Variants in ABR observed in about 807,000 individuals in gnomAD.
The protein encoded by ABR is ABR activator of RhoGEF and GTPase, also known as active breakpoint cluster region-related protein.
Under a neutral mutation model 107.2 loss-of-function variants are expected in ABR, and 35 were observed. The observed-to-expected ratio is 0.33, with a 90% CI of 0.25 to 0.43. ABR has a LOEUF of 0.43. Ranked by LOEUF, ABR falls within the 20% of genes least tolerant of loss-of-function variation. The probability of loss-of-function intolerance (pLI) is 1.00; values close to 1 mark genes in which losing one functional copy is unlikely to be tolerated. For synonymous variants in ABR, 498 were observed against 462.0 expected, an observed-to-expected ratio of 1.08 and a Z score of -1.00; for missense variants, 815 against 1,115.2, an observed-to-expected ratio of 0.73 and a Z score of 3.83.
intron 2 of ABR, among the ~76,000 whole-genome samples, chr17:1,116,388 A>G (rs1198246545): frequency 6.6e-6 from 1 of 152,170 alleles, no homozygotes. Flanking sequence ...TGGGCATGTC[A>G]TCTAGTCTCC....
At chr17:1,009,623 G>T in intron 21 of ABR, 56 bp downstream of exon 21, 2 of 1,523,298 alleles carry the variant, frequency 1.3e-6, no homozygotes, top group Non-Finnish European at 1.8e-6. Flanking sequence ...GCCCCTCCCC[G>T]TTACCTTTTC....
At chr17:1,121,031 G>C (rs1332845110) in intron 2 of ABR, among the ~76,000 whole-genome samples, 2 of 152,230 alleles carry the variant, frequency 1.3e-5, no homozygotes, top group African/African-American at 4.8e-5. Context: ...TCTTCTCAGA[G>C]TGAAACTGGG....
At chr17:1,017,334 C>G (rs1329823850) in intron 16 of ABR, among the ~76,000 whole-genome samples, 1 of 152,056 alleles carries the variant, frequency 6.6e-6, no homozygotes, top group African/African-American at 2.4e-5. Context: ...CTCGTCTGGA[C>G]ACGGAGCCGG....
intron 1 of ABR, among the ~76,000 whole-genome samples, chr17:1,228,609 C>T (rs1487909050): frequency 6.6e-6 from 1 of 152,152 alleles, no homozygotes; most frequent in East Asian, 1.9e-4. Context: ...TCGCCTTGCA[C>T]GTGTTTTCTA....
At chr17:1,225,955 A>G (rs1012815344) in intron 1 of ABR, among the ~76,000 whole-genome samples, 5 of 152,188 alleles carry the variant, frequency 3.3e-5, no homozygotes, top group Non-Finnish European at 5.9e-5. Flanking sequence ...CACAGCAAGA[A>G]ATACATTCTA....
intron 3 of ABR, among the ~76,000 whole-genome samples, chr17:1,097,731 G>A (rs1270854870): frequency 1.3e-5 from 2 of 152,170 alleles, no homozygotes; most frequent in Non-Finnish European, 2.9e-5. Flanking sequence ...CTGAAAGCCT[G>A]GAGCCAGTAC....
At chr17:1,087,934 T>C (rs1403454060) in intron 4 of ABR, among the ~76,000 whole-genome samples, 1 of 152,158 alleles carries the variant, frequency 6.6e-6, no homozygotes, top group Non-Finnish European at 1.5e-5. Context: ...AACTGGGAAG[T>C]GCAGGTTGCC....
In ABR at chr17:1,004,926, C is replaced by T; in HGVS notation, c.*1154G>A. The T allele has an allele frequency of 2.5e-6, 1 of 398,308 alleles. No homozygotes were observed. Among genetic ancestry groups the T allele is most frequent in the Non-Finnish European group, 4.4e-6 (1 of 225,940 alleles). 24.7% of individuals were successfully genotyped at this position (398,308 alleles called of 1,614,324 possible). ...GTGTGTAAAATCTAAGGCAAGAGTA[C>T]CACGAGGTCCTGCGGTGCCAGGGAG... On this transcript the variant is annotated 3_prime_UTR_variant, in exon 23 of 23. Transcript: ENST00000302538.
chr17:1,201,736 C>T (rs1428943675), intron 1 of ABR, among the ~76,000 whole-genome samples: 2 of 151,690 alleles, frequency 1.3e-5, no homozygotes, highest in Non-Finnish European at 2.9e-5. Flanking sequence ...TGTGCAGTGG[C>T]GTGATCTCTG....
intron 16 of ABR, among the ~76,000 whole-genome samples, chr17:1,021,774 C>T (rs1293388125): frequency 2.7e-5 from 4 of 149,706 alleles, no homozygotes; most frequent in Non-Finnish European, 5.9e-5. Flanking sequence ...TGTGCCACTG[C>T]ACTCCAGCCT....
In ABR at chr17:1,070,165, C is replaced by T. The variant is rs55688032; in HGVS notation, c.895-75G>A. ...AGGGCAGAGCCTGCACACGGGGGCA[C>T]GGCCAGCCAGGGAGGACTGGACCGA... On this transcript the variant is annotated intron_variant, in intron 8 of 22. Coordinates refer to ENST00000302538, the MANE Select transcript of ABR (RefSeq NM_021962.5). This position sits in a 1 kb window ranked among gnomAD's most constrained non-coding sequence, Gnocchi z 4.2. 0.045 allele frequency: 70,770 copies of T among 1,583,648 alleles called. 1,880 individuals are homozygous for T. Among genetic ancestry groups the T allele is most frequent in the Non-Finnish European group, 0.053 (61,792 of 1,161,976 alleles).
In ABR at chr17:1,005,919, G is replaced by C. The variant is rs754276012; in HGVS notation, c.*161C>G. 1.4e-6 allele frequency: 1 copy of C among 696,586 alleles called. No individual in the cohort carries two copies. The highest frequency in any genetic ancestry group is 1.8e-5 in the African/African-American group (1 of 56,586). 43.2% of individuals were successfully genotyped at this position (696,586 alleles called of 1,614,324 possible). On this transcript the variant is annotated 3_prime_UTR_variant, in exon 23 of 23. Coordinates refer to ENST00000302538, the MANE Select transcript of ABR (RefSeq NM_021962.5). ...GGCTGGGCAGCCGGCTTTGTACAAG[G>C]TGGCACAAAAGACGTACGCATTCCA...
Position 1,012,754 on chromosome 17 carries a change from C to T in ABR, c.1895G>A (p.Ser632Asn), listed in dbSNP as rs199603504. ...FSMKFTSRDM[S>N]LKRTPSKKQT... ...CTTTTTGGACGGGGTCCTCTTCAGGCTCATATCTCGGCTGGTGAATTTCAT... is the reference window on the plus strand; with the variant it reads ...CTTTTTGGACGGGGTCCTCTTCAGGTTCATATCTCGGCTGGTGAATTTCAT... The change falls in exon 18 of 23, where the codon AGC becomes AAC. Residue 632 changes from serine (S) to asparagine (N), a missense_variant. By Grantham distance (46) the Ser-to-Asn change is conservative. This residue lies in a region of ABR where 92 missense variants were observed against 82.3 expected (regional missense o/e 1.12). Coordinates refer to ENST00000302538, the MANE Select transcript of ABR (RefSeq NM_021962.5). The T allele has an allele frequency of 1.3e-6, 2 of 1,598,508 alleles. No individual in the cohort carries two copies. Among genetic ancestry groups the T allele is most frequent in the East Asian group, 2.2e-5 (1 of 44,500 alleles).
At chr17:1,038,691 G>A (rs2073386179) in intron 16 of ABR, among the ~76,000 whole-genome samples, 1 of 152,240 alleles carries the variant, frequency 6.6e-6, no homozygotes, top group Non-Finnish European at 1.5e-5. Context: ...CTGGCCACGA[G>A]GGGCTGCTGT....
rs2070121586 is a variant in ABR, at chr17:1,007,301, T to G, written c.2354A>C (p.Lys785Thr). The stretch of plus-strand genomic sequence containing the variant: ...AAGTGACATTTTGTTGATGGGCTCC[T>G]TCTCGGCAACCCTAAGAAGGAGAAG... ...LLEHLKRVAE[K>T]EPINKMSLHN... The change falls in exon 22 of 23, where the codon AAG (lysine) becomes ACG (threonine). Residue 785 changes from lysine (K) to threonine (T), a missense_variant. Lys to Thr is a moderately conservative substitution (Grantham distance 78, BLOSUM62 -1). Around this residue, in one of 5 missense-constraint regions of ABR, gnomAD observed 175 missense variants for 284.3 expected, o/e 0.62. Transcript: ENST00000302538. 1.2e-6 allele frequency: 2 copies of G among 1,614,074 alleles called. No individual in the cohort carries two copies. Among genetic ancestry groups the G allele is most frequent in the Non-Finnish European group, 1.7e-6 (2 of 1,179,980 alleles).
intron 9 of ABR, among the ~76,000 whole-genome samples, chr17:1,068,845 C>T (rs1293828111): frequency 3.9e-5 from 6 of 152,224 alleles, no homozygotes; most frequent in East Asian, 1.9e-4. Context: ...ACTCCTCTCT[C>T]ATCTATGATT....
intron 6 of ABR, among the ~76,000 whole-genome samples, chr17:1,076,138 A>G (rs1399837360): frequency 2.0e-5 from 3 of 152,334 alleles, no homozygotes; most frequent in African/African-American, 7.2e-5. Flanking sequence ...TCCTGGCCTC[A>G]AGCAATCCTC....
chr17:1,145,807 C>T (rs374205639), intron 1 of ABR, among the ~76,000 whole-genome samples: 1 of 152,212 alleles, frequency 6.6e-6, no homozygotes, highest in African/African-American at 2.4e-5. Context: ...CACGCAGCTC[C>T]GGGCTCCTGC....
intron 16 of ABR, chr17:1,031,923 C>T: frequency 1.1e-6 from 1 of 897,424 alleles, no homozygotes. Flanking sequence ...CTCCTCCCTC[C>T]TCCGCATCCC....
Sources: allele counts gnomAD v4.1 joint callset (sites outside exome capture counted in the v4.1 genomes callset), GRCh38; gene constraint gnomAD v4.1.1; regional missense constraint gnomAD v4.1.1; non-coding constraint Gnocchi (gnomAD v3.1); transcripts MANE v1.5; gene names NCBI Gene and HGNC (gene_info 2026-07-23, HGNC 2026-07-21).